The following SMAD1 variants were observed in gnomAD, a reference collection of about 807,000 sequenced individuals.
SMAD1 encodes SMAD family member 1.
SMAD1 carries 6 observed loss-of-function variants against 41.6 expected under a neutral mutation model. That is an observed-to-expected ratio of 0.14 (90% CI 0.08 to 0.28). The LOEUF (loss-of-function observed/expected upper bound fraction) is 0.28, where lower values mean the gene tolerates loss of function less well. Ranked by LOEUF, SMAD1 falls within the 10% of genes least tolerant of loss-of-function variation. The pLI, the probability that SMAD1 is intolerant of heterozygous loss-of-function variation, is 1.00. For missense variants in SMAD1, 379 were observed against 582.6 expected (o/e 0.65, Z 3.60); for synonymous variants, 206 against 203.2 (o/e 1.01, Z -0.12).
At chr4:145,527,745 T>C (rs1470214747) in intron 2 of SMAD1, among the ~76,000 whole-genome samples, 1 of 151,944 alleles carries the variant, frequency 6.6e-6, no homozygotes, top group Non-Finnish European at 1.5e-5. Context: ...GCATCCAGAG[T>C]TTTTGGTAGT....
rs148588124 is a variant in SMAD1 at position 145,553,452 on chromosome 4, A to G, written c.998-332A>G. 6.2e-4 allele frequency among the ~76,000 whole-genome samples: 94 copies of G among 152,230 alleles called. 1 individual carries two copies. Among genetic ancestry groups the G allele is most frequent in the Admixed American group, 5.0e-3 (77 of 15,286 alleles). On this transcript the variant is annotated intron_variant, in intron 5 of 6. Transcript: ENST00000302085. ...ATTAGATTCTCATAAGGAGCACGCA[A>G]CCTTGATCCCTCCCATGCACAGTTC... is the stretch of plus-strand genomic sequence containing the variant.
intron 6 of SMAD1, 46 bp from the exon 7 acceptor site, chr4:145,557,745 C>G: frequency 6.7e-7 from 1 of 1,485,324 alleles, no homozygotes; most frequent in Non-Finnish European, 9.2e-7. Context: ...ATAAGTTTAA[C>G]CACTGAGTTA....
At chr4:145,488,093 T>G (rs1000186915) in intron 1 of SMAD1, among the ~76,000 whole-genome samples, 3 of 152,180 alleles carry the variant, frequency 2.0e-5, no homozygotes, top group African/African-American at 7.2e-5. Context: ...CAAATCTCTT[T>G]TATGTTCTTA....
intron 2 of SMAD1, among the ~76,000 whole-genome samples, chr4:145,523,540 T>TTACTA (rs1186646297): frequency 6.6e-6 from 1 of 152,074 alleles, no homozygotes; most frequent in African/African-American, 2.4e-5. Flanking sequence ...TCCATAGGAG[T>TTACTA]TACTATAATA....
intron 1 of SMAD1, among the ~76,000 whole-genome samples, chr4:145,505,040 A>G (rs1223669366): frequency 1.3e-5 from 2 of 152,192 alleles, no homozygotes; most frequent in Non-Finnish European, 2.9e-5. Flanking sequence ...AAGTGTCAGG[A>G]ATTTTTCAGG....
chr4:145,504,097 C>G (rs1729631653), intron 1 of SMAD1: 1 of 152,074 alleles, frequency 6.6e-6, no homozygotes, highest in Non-Finnish European at 1.5e-5. Flanking sequence ...TTTTTGTGAC[C>G]AGAAATGTCC....
At chr4:145,521,138 A>T (rs1172247555) in intron 2 of SMAD1, among the ~76,000 whole-genome samples, 1 of 152,182 alleles carries the variant, frequency 6.6e-6, no homozygotes, top group Non-Finnish European at 1.5e-5. Context: ...GTTTACTTGG[A>T]CTTTTACTAG....
Position 145,547,922 on chromosome 4 carries a change from A to G in SMAD1, c.997+998A>G, listed in dbSNP as rs1253248538. Among the ~76,000 whole-genome samples, 9 of 152,220 alleles carry G rather than the reference A, an allele frequency of 5.9e-5. No individual in the cohort carries two copies. In the East Asian group the frequency reaches 1.7e-3, roughly 29 times the overall value. ...CTGCCTGCTGAAAGGGCCCAGAAGC[A>G]TACATACCCAGTAGCAATAAGCACA... On this transcript the variant is annotated intron_variant, in intron 5 of 6. Coordinates refer to ENST00000302085, the MANE Select transcript of SMAD1 (RefSeq NM_005900.3).
At chr4:145,532,243 C>T (rs1013301387) in intron 2 of SMAD1, among the ~76,000 whole-genome samples, 1 of 152,268 alleles carries the variant, frequency 6.6e-6, no homozygotes, top group South Asian at 2.1e-4. Context: ...TTATTTTTAA[C>T]AGAGATGCAC....
chr4:145,531,773 C>G (rs777141637), intron 2 of SMAD1, among the ~76,000 whole-genome samples: 35 of 151,818 alleles, frequency 2.3e-4, no homozygotes, highest in Non-Finnish European at 4.9e-4. Context: ...CTTCTCAGAA[C>G]TAGAAAGCAT....
At chr4:145,490,686 A>T (rs530327479) in intron 1 of SMAD1, among the ~76,000 whole-genome samples, 1 of 152,340 alleles carries the variant, frequency 6.6e-6, no homozygotes, top group East Asian at 1.9e-4. Context: ...AGCAGTAAGC[A>T]ATGAGAATCT....
chr4:145,525,525 G>C (rs1322490569), intron 2 of SMAD1, among the ~76,000 whole-genome samples: 1 of 151,982 alleles, frequency 6.6e-6, no homozygotes, highest in East Asian at 1.9e-4. Flanking sequence ...TAATTTGCCA[G>C]TTTGGCTGGG....
At chr4:145,537,581 C>G (rs903867999) in intron 2 of SMAD1, among the ~76,000 whole-genome samples, 3 of 151,900 alleles carry the variant, frequency 2.0e-5, no homozygotes, top group African/African-American at 7.2e-5. Flanking sequence ...TTTTTTTTCC[C>G]CCAACCCAAG....
At chr4:145,547,882 C>A (rs1248074046) in intron 5 of SMAD1, among the ~76,000 whole-genome samples, 1 of 141,754 alleles carries the variant, frequency 7.1e-6, no homozygotes, top group Admixed American at 6.9e-5. Context: ...TTTTTACTTG[C>A]GTATAGTTTC....
chr4:145,542,458 C>A, intron 3 of SMAD1, 124 bp from the exon 4 acceptor site: 1 of 577,772 alleles, frequency 1.7e-6, no homozygotes, highest in Non-Finnish European at 3.1e-6. Context: ...AGCCTTTAGT[C>A]TTTTAATGGG....
rs1194478004 is a variant in SMAD1, at chr4:145,557,862, C to T, written c.1326C>T (p.Gly442=). Residue 442 remains glycine (G), a synonymous_variant, in exon 7 of 7, where the codon GGC becomes GGT. Transcript: ENST00000302085. ...TPCWIEIHLH[G]PLQWLDKVLT... ...GCTGGATTGAGATACATCTGCACGG[C>T]CCCCTCCAGTGGCTGGATAAAGTTC... 2 of 1,611,656 alleles carry T rather than the reference C, an allele frequency of 1.2e-6. No individual in the cohort carries two copies. The highest frequency in any genetic ancestry group is 3.3e-5 in the Admixed American group (2 of 60,004).
At chr4:145,483,215 C>A (rs1246625702) in intron 1 of SMAD1, 1 of 152,148 alleles carries the variant, frequency 6.6e-6, no homozygotes, top group Non-Finnish European at 1.5e-5. Flanking sequence ...TCTGCCCTCC[C>A]CCCTCTTTTC....
intron 6 of SMAD1, among the ~76,000 whole-genome samples, chr4:145,555,323 T>C: frequency 6.6e-6 from 1 of 152,144 alleles, no homozygotes. Flanking sequence ...CTGCCAGAAG[T>C]GTTTTTGTTT....
chr4:145,514,917 G>C lies in SMAD1; in HGVS notation c.304G>C (p.Glu102Gln). Residue 102 changes from glutamate to glutamine, a missense_variant, in exon 2 of 7, where the codon GAA becomes CAA. By Grantham distance (29) the Glu-to-Gln change is conservative. Coordinates refer to ENST00000302085, the MANE Select transcript of SMAD1 (RefSeq NM_005900.3). This position sits in a 1 kb window ranked among gnomAD's most constrained non-coding sequence, Gnocchi z 4.7. Reference sequence around the variant, plus strand: ...CTGGCCCGATCTTCAGAGCCACCATGAACTAAAACCACTGGAATGCTGTGA... The same window carrying C: ...CTGGCCCGATCTTCAGAGCCACCATCAACTAAAACCACTGGAATGCTGTGA... The part of the protein sequence containing the change: ...WRWPDLQSHH[E>Q]LKPLECCEFP... 1.2e-6 allele frequency: 2 copies of C among 1,613,988 alleles called. No individual in the cohort carries two copies. Among genetic ancestry groups the C allele is most frequent in the Non-Finnish European group, 1.7e-6 (2 of 1,180,012 alleles).
Sources: gnomAD v4.1 joint callset for allele counts (sites outside exome capture counted in the v4.1 genomes callset) on GRCh38, gnomAD v4.1.1 for gene constraint, Gnocchi (gnomAD v3.1) non-coding constraint, MANE v1.5 for transcripts, NCBI Gene and HGNC (gene_info 2026-07-23, HGNC 2026-07-21) for gene names.